NAALADL1: variants seen among roughly 807,000 people sequenced by gnomAD.
NAALADL1 encodes the protein N-acetylated alpha-linked acidic dipeptidase like 1, also known as aminopeptidase NAALADL1.
NAALADL1 carries 77 observed loss-of-function variants against 82.8 expected under a neutral mutation model. The ratio of observed to expected loss-of-function variants is 0.93; its 90% CI spans 0.77 to 1.12. The LOEUF (loss-of-function observed/expected upper bound fraction) is 1.12, where lower values mean the gene tolerates loss of function less well. NAALADL1 is among the 50% of genes most tolerant of loss of function. The pLI, the probability that NAALADL1 is intolerant of heterozygous loss-of-function variation, is 0.00. For missense variants in NAALADL1, 956 were observed against 964.0 expected, an observed-to-expected ratio of 0.99 and a Z score of 0.11; for synonymous variants, 358 against 399.2, an observed-to-expected ratio of 0.90 and a Z score of 1.23.
At position 65,048,022 on chromosome 11, in the gene NAALADL1, T is replaced by C; in HGVS notation, c.1375A>G (p.Thr459Ala). Residue 459 changes from threonine (T) to alanine (A), a missense_variant, in exon 11 of 18, where the codon ACG becomes GCG. Coordinates refer to ENST00000358658, the MANE Select transcript of NAALADL1 (RefSeq NM_005468.3). Reference sequence around the variant, plus strand: ...AAGACGACGCTCTGGACAGGGGGCGTCCCCTGCACCCTAAGGGTAGCGTTG... The same window carrying C: ...AAGACGACGCTCTGGACAGGGGGCGCCCCCTGCACCCTAAGGGTAGCGTTG... ...FANATLRVQGTPPVQSVVFSA... is the reference protein window; with the variant it reads ...FANATLRVQGAPPVQSVVFSA... The C allele has an allele frequency of 6.2e-7, 1 of 1,612,276 alleles. No homozygotes were observed. Among genetic ancestry groups the C allele is most frequent in the Non-Finnish European group, 8.5e-7 (1 of 1,179,534 alleles).
Position 65,053,581 on chromosome 11 carries a change from G to T in NAALADL1, c.993-5C>A. ...TAGACGCTCACATTCACCTGGCTGGGGAGGGTGAAGGGTGTGAGAAGACTC... is the reference window on the plus strand; with the variant it reads ...TAGACGCTCACATTCACCTGGCTGGTGAGGGTGAAGGGTGTGAGAAGACTC... On this transcript the variant is annotated splice_polypyrimidine_tract_variant and splice_region_variant and intron_variant, in intron 6 of 17. Transcript: ENST00000358658. This position sits in a 1 kb window ranked among gnomAD's most constrained non-coding sequence, Gnocchi z 4.3. 1 of 1,588,858 alleles carries T rather than the reference G, an allele frequency of 6.3e-7. No individual in the cohort carries two copies.
In NAALADL1 at chr11:65,046,510, C is replaced by T. The variant is rs768420123; in HGVS notation, c.1616G>A (p.Arg539Lys). The change falls in exon 14 of 18, where the codon AGG (arginine) becomes AAG (lysine). Residue 539 changes from arginine to lysine, a missense_variant. Physicochemically the swap from Arg to Lys is conservative, Grantham distance 26 (BLOSUM62 2). Transcript: ENST00000358658. ...GGCTGTGTGGTAGGTGGGGTAGATC[C>T]TGGCTGAAGTCTTGCTCTGGGGGAA... is the stretch of plus-strand genomic sequence containing the variant. The part of the protein sequence containing the change: ...YTYDRSKTSA[R>K]IYPTYHTAFD... The T allele has an allele frequency of 4.3e-6, 7 of 1,613,992 alleles. No individual in the cohort carries two copies. The South Asian group carries it at 6.6e-5, about 15-fold the overall frequency.
Position 65,045,382 on chromosome 11 carries a change from C to A in NAALADL1, c.2112G>T (p.Arg704Ser). The change falls in exon 18 of 18, where the codon AGG becomes AGT. Residue 704 changes from arginine to serine, a missense_variant. Arg to Ser is a moderately radical substitution (Grantham distance 110, BLOSUM62 -1). Coordinates refer to ENST00000358658, the MANE Select transcript of NAALADL1 (RefSeq NM_005468.3). ...PGLSNACSRARDTASGSEAWA... is the reference protein window; with the variant it reads ...PGLSNACSRASDTASGSEAWA... The stretch of plus-strand genomic sequence containing the variant: ...AAGCTTCAGATCCAGAAGCTGTGTC[C>A]CTGGCCCTGGAGCAGGCATTGGATA... The A allele has an allele frequency of 1.2e-6, 2 of 1,612,766 alleles. No homozygotes were observed. Among genetic ancestry groups the A allele is most frequent in the East Asian group, 4.5e-5 (2 of 44,848 alleles).
chr11:65,048,075 T>C (rs758629347), intron 10 of NAALADL1, 27 bp from the exon 11 acceptor site: 3 of 1,613,430 alleles, frequency 1.9e-6, no homozygotes, highest in East Asian at 2.2e-5. Context: ...GAAAGACTAT[T>C]TGGGCCCCAG....
intron 13 of NAALADL1, among the ~76,000 whole-genome samples, chr11:65,047,119 G>A (rs1467772410): frequency 6.6e-6 from 1 of 152,054 alleles, no homozygotes; most frequent in African/African-American, 2.4e-5. Context: ...ATAATCAGTA[G>A]TATCTTACAT....
chr11:65,047,497 T>A lies in NAALADL1; in HGVS notation c.1577A>T (p.Asp526Val). 1 of 1,567,142 alleles carries A rather than the reference T, an allele frequency of 6.4e-7. No homozygotes were observed. The highest frequency in any genetic ancestry group is 8.7e-7 in the Non-Finnish European group (1 of 1,155,722). Reference protein sequence around the residue: ...FVHFLGISSMDIAYTYDRSKT... With the variant: ...FVHFLGISSMVIAYTYDRSKT... ...CACCCGGTCATAGGTATAGGCAATG[T>A]CCATGGAGGAGATGCCCAGGAAGTG... Residue 526 changes from aspartate to valine, a missense_variant, in exon 13 of 18, where the codon GAC (aspartate) becomes GTC (valine). By Grantham distance (152) the Asp-to-Val change is radical (BLOSUM62 -3). Transcript: ENST00000358658.
chr11:65,054,849 G>A lies in NAALADL1; in HGVS notation c.604-111C>T. The A allele has an allele frequency of 7.3e-7, 1 of 1,378,890 alleles. No homozygotes were observed. The highest frequency in any genetic ancestry group is 9.7e-7 in the Non-Finnish European group (1 of 1,029,188). 85.4% of individuals were successfully genotyped at this position (1,378,890 alleles called of 1,614,324 possible). A position where few individuals can be genotyped will look rare whatever the true frequency, so the allele number is the denominator to read the frequency against. On this transcript the variant is annotated intron_variant, in intron 4 of 17. Coordinates refer to ENST00000358658, the MANE Select transcript of NAALADL1 (RefSeq NM_005468.3). This position sits in a 1 kb window ranked among gnomAD's most constrained non-coding sequence, Gnocchi z 4.3. ...AGCCAGGATAGACCAATCTTCCATGGGCAAGATGACGTTTGCACAAGTCAT... is the reference window on the plus strand; with the variant it reads ...AGCCAGGATAGACCAATCTTCCATGAGCAAGATGACGTTTGCACAAGTCAT...
intron 8 of NAALADL1, among the ~76,000 whole-genome samples, chr11:65,050,593 C>A (rs2136997699): frequency 6.6e-6 from 1 of 151,556 alleles, no homozygotes; most frequent in Non-Finnish European, 1.5e-5. Flanking sequence ...AGTTCGACAC[C>A]AGCCTGGCCA....
intron 8 of NAALADL1, among the ~76,000 whole-genome samples, chr11:65,051,930 C>T (rs967155741): frequency 1.3e-5 from 2 of 152,008 alleles, no homozygotes; most frequent in Admixed American, 6.6e-5. Context: ...CGAAAGAGGG[C>T]CTGGCGTGGA....
In NAALADL1 at chr11:65,046,231, G is replaced by T; in HGVS notation, c.1813C>A (p.Gln605Lys). 6.2e-7 allele frequency: 1 copy of T among 1,614,120 alleles called. No individual in the cohort carries two copies. Among genetic ancestry groups the T allele is most frequent in the Non-Finnish European group, 8.5e-7 (1 of 1,180,036 alleles). ...TLRSFLQAAQQDLGALLEQHS... is the reference protein window; with the variant it reads ...TLRSFLQAAQKDLGALLEQHS... ...TGCTCCAGCAGGGCCCCAAGATCTT[G>T]CTGGGCTGCCTGCAGGAAGCTGCGG... The change falls in exon 15 of 18, where the codon CAA (glutamine) becomes AAA (lysine). Residue 605 changes from glutamine to lysine, a missense_variant. Transcript: ENST00000358658.
Position 65,045,218 on chromosome 11 carries a change from A to G in NAALADL1, c.*53T>C. ...AAGGAAGACCAGGACATCTCAGGAA[A>G]GCAGGCAGGAGAGGGTTGGAGTAAA... On this transcript the variant is annotated 3_prime_UTR_variant, in exon 18 of 18. Coordinates refer to ENST00000358658, the MANE Select transcript of NAALADL1 (RefSeq NM_005468.3). The G allele has an allele frequency of 6.4e-7, 1 of 1,572,252 alleles. No individual in the cohort carries two copies. The highest frequency in any genetic ancestry group is 8.6e-7 in the Non-Finnish European group (1 of 1,156,286).
intron 3 of NAALADL1, 108 bp from the exon 4 acceptor site, chr11:65,057,601 C>T (rs547620890): frequency 7.0e-7 from 1 of 1,423,800 alleles, no homozygotes; most frequent in African/African-American, 1.4e-5. Context: ...TCTGTTCCCC[C>T]ACCTCACCCA....
At chr11:65,058,924 T>C (rs775711692), upstream of NAALADL1, among the ~76,000 whole-genome samples, 4 of 152,164 alleles carry the variant, frequency 2.6e-5, no homozygotes, top group Admixed American at 6.5e-5. Context: ...CAGCCCTACC[T>C]GCCTGAGCAG....
rs1452043095 is a variant in NAALADL1, at chr11:65,058,214, A to C, written c.222T>G (p.Pro74=). ...GCAGCTGCACCAGGTCCTCATCCCG[A>C]GGGCTGGAGGCCAGGTGTGGCTCCC... ...LSREPHLASS[P]RDEDLVQLLL... Residue 74 remains proline (P), a synonymous_variant, in exon 2 of 18, where the codon CCT becomes CCG. Coordinates refer to ENST00000358658, the MANE Select transcript of NAALADL1 (RefSeq NM_005468.3). The C allele has an allele frequency of 6.2e-7, 1 of 1,613,558 alleles. No homozygotes were observed. Among genetic ancestry groups the C allele is most frequent in the Admixed American group, 1.7e-5 (1 of 60,004 alleles).
chr11:65,053,369 G>A lies in NAALADL1; in HGVS notation c.1079-32C>T. ...AGAGGAAAAGGGGCAGAGAACCAGA[G>A]GAGAGGGAGAGGTGGGCAGGGGGAG... On this transcript the variant is annotated intron_variant, in intron 7 of 17. Transcript: ENST00000358658. The surrounding 1 kb of genome is among the most constrained non-coding windows in gnomAD (Gnocchi z 4.3). The A allele has an allele frequency of 1.9e-6, 3 of 1,606,964 alleles. No homozygotes were observed. Among genetic ancestry groups the A allele is most frequent in the South Asian group, 1.1e-5 (1 of 90,230 alleles).
Position 65,048,345 on chromosome 11 carries a change from C to T in NAALADL1, c.1239G>A (p.Trp413Ter). The T allele has an allele frequency of 6.2e-7, 1 of 1,614,222 alleles. No individual in the cohort carries two copies. Among genetic ancestry groups the T allele is most frequent in the Non-Finnish European group, 8.5e-7 (1 of 1,180,036 alleles). The change falls in exon 9 of 18, where the codon TGG becomes TGA. Residue 413 changes from tryptophan to a stop codon, truncating the protein, a stop_gained. Transcript: ENST00000358658. LOFTEE classifies it high-confidence loss of function. ...RPRRSIVFAS[W>*]GAEEFGLIGS... ...CAATGAGCCCAAACTCCTCAGCCCC[C>T]CAGCTCGCAAACACGATTGATCTGC...
At chr11:65,051,160 G>A (rs1180698959) in intron 8 of NAALADL1, among the ~76,000 whole-genome samples, 1 of 151,958 alleles carries the variant, frequency 6.6e-6, no homozygotes, top group African/African-American at 2.4e-5. Flanking sequence ...CTACCCATAA[G>A]GGTAAAGTCG....
At chr11:65,045,484 G>A (rs1565216003) in intron 17 of NAALADL1, 27 bp from the exon 18 acceptor site, 1 of 1,573,146 alleles carries the variant, frequency 6.4e-7, no homozygotes, top group Non-Finnish European at 8.6e-7. Context: ...GACAGGATCA[G>A]GGTCAGTCAG....
chr11:65,047,339 GTT>G (rs78064452), intron 13 of NAALADL1, 134 bp downstream of exon 13: 1,805 of 633,806 alleles, frequency 2.8e-3, no homozygotes, highest in East Asian at 0.013. Flanking sequence ...GTGTGTGTGT[GTT>G]TTTTTTTAAG....
Sources: gnomAD v4.1 joint callset for allele counts (sites outside exome capture counted in the v4.1 genomes callset) on GRCh38, gnomAD v4.1.1 for gene constraint, Gnocchi (gnomAD v3.1) non-coding constraint, MANE v1.5 for transcripts, NCBI Gene and HGNC (gene_info 2026-07-23, HGNC 2026-07-21) for gene names.